The following ELAVL1 variants were observed in gnomAD, a reference collection of about 807,000 sequenced individuals.
ELAVL1 encodes ELAV-like protein 1.
ELAVL1 carries 1 observed loss-of-function variant against 28.4 expected under a neutral mutation model. The ratio of observed to expected loss-of-function variants is 0.04; its 90% CI spans 0.01 to 0.17. ELAVL1 has a LOEUF of 0.17. Among genes scored for constraint, ELAVL1 ranks in the 10% least tolerant of loss-of-function variants. ELAVL1 has a pLI of 1.00. For missense variants in ELAVL1, 157 were observed against 447.2 expected, an observed-to-expected ratio of 0.35 and a Z score of 5.85; for synonymous variants, 174 against 183.5, an observed-to-expected ratio of 0.95 and a Z score of 0.42.
rs1985456216 is a variant in ELAVL1, at chr19:7,981,276, T to C, written c.173-90A>G. On this transcript the variant is annotated intron_variant, in intron 2 of 5. Transcript: ENST00000407627. The surrounding 1 kb of genome is among the most constrained non-coding windows in gnomAD (Gnocchi z 4.2). ...GGAAGCACTATATCTGCCTGGCCTT[T>C]GGGAAATGGGATTACAGGTGCTAGC... 1.6e-6 allele frequency: 2 copies of C among 1,232,096 alleles called. No individual in the cohort carries two copies. The highest frequency in any genetic ancestry group is 2.4e-6 in the Non-Finnish European group (2 of 836,778). 76.3% of individuals were successfully genotyped at this position (1,232,096 alleles called of 1,614,324 possible). A position where few individuals can be genotyped will look rare whatever the true frequency, so the allele number is the denominator to read the frequency against.
In ELAVL1 at chr19:7,959,122, T is replaced by C. The variant is rs554314008; in HGVS notation, c.*4361A>G. On this transcript the variant is annotated 3_prime_UTR_variant, in exon 6 of 6. Coordinates refer to ENST00000407627, the MANE Select transcript of ELAVL1 (RefSeq NM_001419.3). The stretch of plus-strand genomic sequence containing the variant: ...TGATAAGGGCTTTTCTTTTTTTTTT[T>C]CTGAAAATAATTTAAAAAGCTTAAA... 2 of 152,904 alleles carry C rather than the reference T, an allele frequency of 1.3e-5. No homozygotes were observed. The highest frequency in any genetic ancestry group is 1.9e-4 in the East Asian group (1 of 5,192). The allele number at this position is 152,904 out of a possible 1,614,324, so 9.5% of individuals were successfully genotyped here.
chr19:7,996,654 A>C (rs1241669821), intron 1 of ELAVL1, among the ~76,000 whole-genome samples: 3 of 149,038 alleles, frequency 2.0e-5, no homozygotes, highest in Admixed American at 2.0e-4. Context: ...AAAATACAAC[A>C]AAAAAAAAAT....
intron 4 of ELAVL1, 78 bp from the exon 5 acceptor site, chr19:7,967,868 C>G: frequency 6.6e-7 from 1 of 1,507,508 alleles, no homozygotes; most frequent in Non-Finnish European, 9.0e-7. Context: ...AAAGTCAGGT[C>G]AGTCTACTGT....
intron 2 of ELAVL1, among the ~76,000 whole-genome samples, chr19:7,989,374 G>A (rs1330540850): frequency 6.6e-6 from 1 of 152,194 alleles, no homozygotes; most frequent in Non-Finnish European, 1.5e-5. Context: ...ACTGTCCAAA[G>A]ATAAGACAGG....
intron 1 of ELAVL1, among the ~76,000 whole-genome samples, chr19:7,999,965 C>T (rs899898257): frequency 1.3e-5 from 2 of 152,172 alleles, no homozygotes; most frequent in African/African-American, 4.8e-5. Context: ...TTAGTAGAGA[C>T]AGGGTTTCAC....
chr19:8,004,705 G>A (rs2081080824), intron 1 of ELAVL1, among the ~76,000 whole-genome samples: 1 of 152,128 alleles, frequency 6.6e-6, no homozygotes, highest in South Asian at 2.1e-4. Context: ...TTTCTAGCAA[G>A]GGGGCTCAGT....
chr19:8,003,096 T>G (rs1405375461), intron 1 of ELAVL1, among the ~76,000 whole-genome samples: 1 of 152,048 alleles, frequency 6.6e-6, no homozygotes, highest in Non-Finnish European at 1.5e-5. Flanking sequence ...TTACTTGAAA[T>G]AGCACCATGG....
intron 1 of ELAVL1, among the ~76,000 whole-genome samples, chr19:7,996,440 C>T (rs1254776924): frequency 6.6e-6 from 1 of 151,886 alleles, no homozygotes; most frequent in African/African-American, 2.4e-5. Context: ...CTGCCCACCT[C>T]GGCCTCCCAA....
chr19:7,963,377 C>G lies in ELAVL1; in HGVS notation c.*106G>C, dbSNP rs1984864850. The G allele has an allele frequency of 7.4e-7, 1 of 1,348,734 alleles. No homozygotes were observed. Among genetic ancestry groups the G allele is most frequent in the East Asian group, 2.3e-5 (1 of 42,786 alleles). 83.5% of individuals were successfully genotyped at this position (1,348,734 alleles called of 1,614,324 possible). A position where few individuals can be genotyped will look rare whatever the true frequency, so the allele number is the denominator to read the frequency against. ...TTCTCACTTCTCATTCAGACAAAGACAAACACTTGTGAAAATTGGCGCAAA... is the reference window on the plus strand; with the variant it reads ...TTCTCACTTCTCATTCAGACAAAGAGAAACACTTGTGAAAATTGGCGCAAA... On this transcript the variant is annotated 3_prime_UTR_variant, in exon 6 of 6. Coordinates refer to ENST00000407627, the MANE Select transcript of ELAVL1 (RefSeq NM_001419.3). The surrounding 1 kb of genome is among the most constrained non-coding windows in gnomAD (Gnocchi z 4.5).
At position 7,963,423 on chromosome 19, in the gene ELAVL1, A is replaced by G; in HGVS notation, c.*60T>C. 2.6e-6 allele frequency: 4 copies of G among 1,536,248 alleles called. No homozygotes were observed. Among genetic ancestry groups the G allele is most frequent in the Non-Finnish European group, 3.5e-6 (4 of 1,140,010 alleles). On this transcript the variant is annotated 3_prime_UTR_variant, in exon 6 of 6. Transcript: ENST00000407627. The surrounding 1 kb of genome is among the most constrained non-coding windows in gnomAD (Gnocchi z 4.5). Reference sequence around the variant, plus strand: ...GCAAAATGAGTTGTACACTAACAAGAAAAGTTTCAACTCCTTCACTCTTAA... The same window carrying G: ...GCAAAATGAGTTGTACACTAACAAGGAAAGTTTCAACTCCTTCACTCTTAA...
Position 7,991,659 on chromosome 19 carries a change from G to A in ELAVL1, c.157C>T (p.Arg53Trp), listed in dbSNP as rs748009879. The A allele has an allele frequency of 1.2e-6, 2 of 1,611,508 alleles. No homozygotes were observed. Among genetic ancestry groups the A allele is most frequent in the Non-Finnish European group, 1.7e-6 (2 of 1,178,520 alleles). The change falls in exon 2 of 6, where the codon CGG becomes TGG. Residue 53 changes from arginine to tryptophan, a missense_variant. By Grantham distance (101) the Arg-to-Trp change is moderately radical (BLOSUM62 -3). Coordinates refer to ENST00000407627, the MANE Select transcript of ELAVL1 (RefSeq NM_001419.3). ...IGEVESAKLI[R>W]DKVAGHSLGY... ...ATTTCTTTACCTGCTACTTTATCCCGAATAAGTTTTGCAGATTCAACTTCA... is the reference window on the plus strand; with the variant it reads ...ATTTCTTTACCTGCTACTTTATCCCAAATAAGTTTTGCAGATTCAACTTCA...
At chr19:7,994,190 T>C (rs1400668622) in intron 1 of ELAVL1, among the ~76,000 whole-genome samples, 1 of 152,206 alleles carries the variant, frequency 6.6e-6, no homozygotes, top group Non-Finnish European at 1.5e-5. Flanking sequence ...CTGCATATTC[T>C]ATTATTTAGA....
intron 2 of ELAVL1, among the ~76,000 whole-genome samples, chr19:7,985,717 G>A (rs1041342825): frequency 6.6e-6 from 1 of 152,238 alleles, no homozygotes; most frequent in African/African-American, 2.4e-5. Flanking sequence ...GTGTGGGTGG[G>A]AGATACGGGG....
rs1984793447 is a variant in ELAVL1, at chr19:7,961,112, T to C, written c.*2371A>G. 2 of 152,264 alleles carry C rather than the reference T, an allele frequency of 1.3e-5. No individual in the cohort carries two copies. The highest frequency in any genetic ancestry group is 1.3e-4 in the Admixed American group (2 of 15,286). 9.4% of individuals were successfully genotyped at this position (152,264 alleles called of 1,614,324 possible). A position where few individuals can be genotyped will look rare whatever the true frequency, so the allele number is the denominator to read the frequency against. On this transcript the variant is annotated 3_prime_UTR_variant, in exon 6 of 6. Transcript: ENST00000407627. ...TCAAAGGCTCATATACTTCACAGTT[T>C]CTTCTCACCTGTCCCAGCATCAGAA...
chr19:7,976,051 T>C (rs752406), intron 3 of ELAVL1, among the ~76,000 whole-genome samples: 72,690 of 149,926 alleles, frequency 0.48, 17,829 homozygotes, highest in East Asian at 0.55. Flanking sequence ...CGTGATCACA[T>C]CACTGCAGTC....
intron 3 of ELAVL1, among the ~76,000 whole-genome samples, chr19:7,978,386 G>C (rs1985361964): frequency 6.6e-6 from 1 of 152,194 alleles, no homozygotes; most frequent in Admixed American, 6.5e-5. Flanking sequence ...GGGTGGGGGA[G>C]GGGAAAGGGG....
At chr19:7,992,573 C>T (rs1012875571) in intron 1 of ELAVL1, among the ~76,000 whole-genome samples, 2 of 152,124 alleles carry the variant, frequency 1.3e-5, no homozygotes, top group Admixed American at 1.3e-4. Context: ...TGGTTGCCAG[C>T]GATGCAGGTC....
chr19:7,972,391 G>A (rs923073828), intron 4 of ELAVL1, among the ~76,000 whole-genome samples: 4 of 152,234 alleles, frequency 2.6e-5, no homozygotes, highest in African/African-American at 4.8e-5. Context: ...TCTGCCTGAC[G>A]GCATCACACA....
chr19:7,970,720 AT>A (rs937193749), intron 4 of ELAVL1, among the ~76,000 whole-genome samples: 13 of 151,234 alleles, frequency 8.6e-5, no homozygotes, highest in East Asian at 2.0e-4. Context: ...TCAGGGTGGG[AT>A]TTTTTTTCTC....
Sources: gnomAD v4.1 joint callset for allele counts (sites outside exome capture counted in the v4.1 genomes callset) on GRCh38, gnomAD v4.1.1 for gene constraint, Gnocchi (gnomAD v3.1) non-coding constraint, MANE v1.5 for transcripts, NCBI Gene and HGNC (gene_info 2026-07-23, HGNC 2026-07-21) for gene names.